UBE2O: variants seen among roughly 807,000 people sequenced by gnomAD.
The protein encoded by UBE2O is (E3-independent) E2 ubiquitin-conjugating enzyme.
In UBE2O, 15 loss-of-function variants were observed where a neutral mutation model predicts 125.8. That is an observed-to-expected ratio of 0.12 (90% confidence interval 0.08 to 0.18). The LOEUF is 0.18. Ranked by LOEUF, UBE2O falls within the 10% of genes least tolerant of loss-of-function variation. The probability of loss-of-function intolerance (pLI) is 1.00; values close to 1 mark genes in which losing one functional copy is unlikely to be tolerated. For missense variants in UBE2O, 1,280 were observed against 1,723.6 expected (o/e 0.74, Z 4.56); for synonymous variants, 708 against 703.2 (o/e 1.01, Z -0.11).
chr17:76,399,418 C>A lies in UBE2O; in HGVS notation c.1628+31G>T, dbSNP rs768756442. ...CACTCTGCCTGGCTTCACGCTGACGCCATTGGGGAGGGGCACAACTCTGAG... is the reference window on the plus strand; with the variant it reads ...CACTCTGCCTGGCTTCACGCTGACGACATTGGGGAGGGGCACAACTCTGAG... On this transcript the variant is annotated intron_variant, in intron 9 of 17. Coordinates refer to ENST00000319380, the MANE Select transcript of UBE2O (RefSeq NM_022066.4). The surrounding 1 kb of genome is among the most constrained non-coding windows in gnomAD (Gnocchi z 6.9). 5.0e-6 allele frequency: 8 copies of A among 1,602,168 alleles called. No individual in the cohort carries two copies. The African/African-American group carries it at 1.1e-4, about 21-fold the overall frequency.
chr17:76,417,813 C>T (rs909126078), intron 1 of UBE2O, among the ~76,000 whole-genome samples: 1 of 152,176 alleles, frequency 6.6e-6, no homozygotes, highest in African/African-American at 2.4e-5. Context: ...ATGGATGCAT[C>T]AGCGTCCGCG....
Position 76,401,967 on chromosome 17 carries a change from C to T in UBE2O, c.750+97G>A, listed in dbSNP as rs748804237. The T allele has an allele frequency of 1.2e-5, 15 of 1,302,288 alleles. No homozygotes were observed. In the South Asian group the frequency reaches 1.3e-4, roughly 11 times the overall value. The allele number at this position is 1,302,288 out of a possible 1,614,324, so 80.7% of individuals were successfully genotyped here. ...CGCACCCGCCCCTTTTCTAGGAAAC[C>T]GCTCTGTTTAGCTGGGTCCAGGTCT... is the stretch of plus-strand genomic sequence containing the variant. On this transcript the variant is annotated intron_variant, in intron 5 of 17. Coordinates refer to ENST00000319380, the MANE Select transcript of UBE2O (RefSeq NM_022066.4).
intron 1 of UBE2O, among the ~76,000 whole-genome samples, chr17:76,436,134 C>T (rs2072993740): frequency 6.6e-6 from 1 of 152,142 alleles, no homozygotes; most frequent in Non-Finnish European, 1.5e-5. Context: ...GTAATCCCAG[C>T]TACTCAGGAG....
At chr17:76,415,829 G>A (rs1418789670) in intron 1 of UBE2O, among the ~76,000 whole-genome samples, 1 of 150,240 alleles carries the variant, frequency 6.7e-6, no homozygotes, top group Non-Finnish European at 1.5e-5. Flanking sequence ...GTGTGTGTGT[G>A]CATACACATA....
At chr17:76,415,003 C>T (rs566132193) in intron 1 of UBE2O, among the ~76,000 whole-genome samples, 1 of 152,322 alleles carries the variant, frequency 6.6e-6, no homozygotes, top group South Asian at 2.1e-4. Context: ...GAAAAGTGAT[C>T]AGCATGATTC....
chr17:76,445,786 C>T (rs1406294822), intron 1 of UBE2O, among the ~76,000 whole-genome samples: 1 of 152,366 alleles, frequency 6.6e-6, no homozygotes. Flanking sequence ...AAGCATTTTG[C>T]TCTTCCCTGG....
Position 76,398,855 on chromosome 17 carries a change from A to T in UBE2O, c.1765T>A (p.Phe589Ile). The change falls in exon 10 of 18, where the codon TTC (phenylalanine) becomes ATC (isoleucine). Residue 589 changes from phenylalanine (F) to isoleucine (I), a missense_variant. This residue lies in a region of UBE2O where 145 missense variants were observed against 219.6 expected (regional missense o/e 0.66). Coordinates refer to ENST00000319380, the MANE Select transcript of UBE2O (RefSeq NM_022066.4). This position sits in a 1 kb window ranked among gnomAD's most constrained non-coding sequence, Gnocchi z 5.4. ...GCACTACCTCGCTTATCTACCACGA[A>T]GTCTCCAGGGCAGAACTCGTTGTTG... ...LDNNEFCPGD[F>I]VVDKRVQSCP... 1 of 1,613,984 alleles carries T rather than the reference A, an allele frequency of 6.2e-7. No individual in the cohort carries two copies.
intron 1 of UBE2O, among the ~76,000 whole-genome samples, chr17:76,443,779 A>C (rs2073112318): frequency 6.6e-6 from 1 of 152,202 alleles, no homozygotes; most frequent in African/African-American, 2.4e-5. Flanking sequence ...AGGTCACTCC[A>C]AAAAACTGGG....
intron 1 of UBE2O, among the ~76,000 whole-genome samples, chr17:76,431,471 G>A (rs1011070308): frequency 5.9e-5 from 9 of 152,140 alleles, no homozygotes; most frequent in African/African-American, 1.9e-4. Flanking sequence ...AGCCGAGATC[G>A]CACTCCAGCC....
intron 1 of UBE2O, among the ~76,000 whole-genome samples, chr17:76,407,524 G>A (rs1567838702): frequency 6.6e-6 from 1 of 152,216 alleles, no homozygotes; most frequent in East Asian, 1.9e-4. Context: ...TGCACCATGT[G>A]TGGCAGGAGG....
At position 76,399,735 on chromosome 17, in the gene UBE2O, C is replaced by T. The variant is rs369070451; in HGVS notation, c.1342G>A (p.Glu448Lys). 77 of 1,614,098 alleles carry T rather than the reference C, an allele frequency of 4.8e-5. No individual in the cohort carries two copies. The highest frequency in any genetic ancestry group is 6.2e-5 in the Non-Finnish European group (73 of 1,180,042). The change falls in exon 9 of 18, where the codon GAG becomes AAG. Residue 448 changes from glutamate to lysine, a missense_variant. This residue lies in a region of UBE2O where 141 missense variants were observed against 141.3 expected (regional missense o/e 1.00). Transcript: ENST00000319380. The surrounding 1 kb of genome is among the most constrained non-coding windows in gnomAD (Gnocchi z 6.9). Reference protein sequence around the residue: ...GSASPVEMQDEGAEEPHEAGE... With the variant: ...GSASPVEMQDKGAEEPHEAGE... ...GCCTCGTGGGGCTCCTCTGCACCCTCGTCCTGCATCTCCACTGGACTGGCA... is the reference window on the plus strand; with the variant it reads ...GCCTCGTGGGGCTCCTCTGCACCCTTGTCCTGCATCTCCACTGGACTGGCA...
chr17:76,434,774 CTTTT>C (rs751998179), intron 1 of UBE2O, among the ~76,000 whole-genome samples: 9 of 139,160 alleles, frequency 6.5e-5, no homozygotes, highest in Non-Finnish European at 9.2e-5. Context: ...TTCACTTAAG[CTTTT>C]TTTTTTTTTT....
chr17:76,398,831 C>T lies in UBE2O; in HGVS notation c.1783+6G>A. 6.2e-7 allele frequency: 1 copy of T among 1,612,722 alleles called. No homozygotes were observed. The highest frequency in any genetic ancestry group is 8.5e-7 in the Non-Finnish European group (1 of 1,179,206). On this transcript the variant is annotated splice_donor_region_variant and intron_variant, in intron 10 of 17. Transcript: ENST00000319380. This position sits in a 1 kb window ranked among gnomAD's most constrained non-coding sequence, Gnocchi z 5.4. ...CTGCTGGCTGCCCTTCCAGAGCTGG[C>T]ACTACCTCGCTTATCTACCACGAAG...
At chr17:76,423,124 CTCAT>C (rs1235892104) in intron 1 of UBE2O, among the ~76,000 whole-genome samples, 2 of 152,138 alleles carry the variant, frequency 1.3e-5, no homozygotes, top group Admixed American at 1.3e-4. Flanking sequence ...CAGCATGGAG[CTCAT>C]TCAGGAACTA....
At chr17:76,397,361 C>A (rs1045847218) in intron 13 of UBE2O, among the ~76,000 whole-genome samples, 1 of 152,176 alleles carries the variant, frequency 6.6e-6, no homozygotes, top group Admixed American at 6.5e-5. Context: ...AACCAGGAGG[C>A]GAGGGAAGGA....
chr17:76,413,040 AC>A, intron 1 of UBE2O, among the ~76,000 whole-genome samples: 1 of 152,254 alleles, frequency 6.6e-6, no homozygotes, highest in East Asian at 1.9e-4. Flanking sequence ...ACAAAATGAA[AC>A]AAAAAAACCC....
In UBE2O at chr17:76,399,410, C is replaced by T. The variant is rs1226254933; in HGVS notation, c.1628+39G>A. Reference sequence around the variant, plus strand: ...GGGACGCGCACTCTGCCTGGCTTCACGCTGACGCCATTGGGGAGGGGCACA... The same window carrying T: ...GGGACGCGCACTCTGCCTGGCTTCATGCTGACGCCATTGGGGAGGGGCACA... On this transcript the variant is annotated intron_variant, in intron 9 of 17. Transcript: ENST00000319380. This position sits in a 1 kb window ranked among gnomAD's most constrained non-coding sequence, Gnocchi z 6.9. 6.9e-6 allele frequency: 11 copies of T among 1,587,974 alleles called. No homozygotes were observed. Among genetic ancestry groups the T allele is most frequent in the Middle Eastern group, 3.3e-4 (2 of 5,976 alleles).
intron 1 of UBE2O, among the ~76,000 whole-genome samples, chr17:76,415,795 C>CTGTGTGTGTGTGTG (rs34127040): frequency 5.0e-4 from 71 of 143,196 alleles, no homozygotes; most frequent in African/African-American, 1.8e-3. Context: ...CAGAGCAAGA[C>CTGTGTGTGTGTGTG]TGTGTGTGTG....
chr17:76,430,269 A>G (rs2072884085), intron 1 of UBE2O: 1 of 152,696 alleles, frequency 6.5e-6, no homozygotes. Flanking sequence ...TTATTTTAGC[A>G]GAGTTTCTAG....
Sources: allele counts gnomAD v4.1 joint callset (sites outside exome capture counted in the v4.1 genomes callset), GRCh38; gene constraint gnomAD v4.1.1; regional missense constraint gnomAD v4.1.1; non-coding constraint Gnocchi (gnomAD v3.1); transcripts MANE v1.5; gene names NCBI Gene and HGNC (gene_info 2026-07-23, HGNC 2026-07-21).